JAKMIP2: variants seen among roughly 807,000 people sequenced by gnomAD.
The protein encoded by JAKMIP2 is janus kinase and microtubule-interacting protein 2.
JAKMIP2 carries 25 observed loss-of-function variants against 115.0 expected under a neutral mutation model. The observed-to-expected ratio is 0.22, with a 90% CI of 0.16 to 0.30. JAKMIP2 has a LOEUF of 0.30. Among genes scored for constraint, JAKMIP2 ranks in the 10% least tolerant of loss-of-function variants. The pLI is 1.00. For synonymous variants in JAKMIP2, 334 were observed against 343.6 expected (o/e 0.97, Z 0.31); for missense variants, 642 against 957.6 (o/e 0.67, Z 4.35).
intron 1 of JAKMIP2, among the ~76,000 whole-genome samples, chr5:147,738,945 G>T (rs968122847): frequency 1.3e-5 from 2 of 152,072 alleles, no homozygotes; most frequent in Admixed American, 1.3e-4. Context: ...CATAACCCTT[G>T]GGCTCTTCAT....
At chr5:147,629,805 G>T in intron 14 of JAKMIP2, 59 bp from the exon 15 acceptor site, 1 of 1,340,034 alleles carries the variant, frequency 7.5e-7, no homozygotes, top group Non-Finnish European at 1.1e-6. Flanking sequence ...TTCCATCAGT[G>T]CCTGAACATG....
At chr5:147,605,203 A>ATT (rs71001447) in intron 20 of JAKMIP2, among the ~76,000 whole-genome samples, 28 of 100,518 alleles carry the variant, frequency 2.8e-4, no homozygotes, top group African/African-American at 1.1e-3. Flanking sequence ...TATGTGCCAC[A>ATT]TTTTTTTTTT....
At chr5:147,610,925 T>C (rs949221558) in intron 20 of JAKMIP2, among the ~76,000 whole-genome samples, 2 of 152,214 alleles carry the variant, frequency 1.3e-5, no homozygotes, top group African/African-American at 4.8e-5. Context: ...ACAGCAGCTT[T>C]GTGGCCCTGT....
intron 21 of JAKMIP2, among the ~76,000 whole-genome samples, chr5:147,595,987 T>C (rs896407930): frequency 6.6e-6 from 1 of 152,132 alleles, no homozygotes; most frequent in Admixed American, 6.6e-5. Context: ...ACAACTGAAC[T>C]GAGATCCGAA....
At chr5:147,761,175 A>G (rs1754917735) in intron 1 of JAKMIP2, among the ~76,000 whole-genome samples, 1 of 152,140 alleles carries the variant, frequency 6.6e-6, no homozygotes, top group Non-Finnish European at 1.5e-5. Context: ...CAGTTGTACA[A>G]GAAAAGCACT....
At chr5:147,640,667 C>T (rs1160078127) in intron 9 of JAKMIP2, 37 bp downstream of exon 9, 2 of 1,603,750 alleles carry the variant, frequency 1.2e-6, no homozygotes, top group Non-Finnish European at 1.7e-6. Context: ...GATTTGGTGA[C>T]AATATCACCC....
At chr5:147,617,448 G>C (rs1756643175) in intron 19 of JAKMIP2, among the ~76,000 whole-genome samples, 1 of 152,208 alleles carries the variant, frequency 6.6e-6, no homozygotes, top group Admixed American at 6.5e-5. Context: ...GCAAATGTCA[G>C]TAAGTAAACA....
chr5:147,598,884 A>G (rs1166518439), intron 21 of JAKMIP2, among the ~76,000 whole-genome samples: 1 of 152,214 alleles, frequency 6.6e-6, no homozygotes, highest in East Asian at 1.9e-4. Context: ...CTACCTACCA[A>G]TAAAGAAGCA....
In JAKMIP2 at chr5:147,640,834, G is replaced by A; in HGVS notation, c.1282-11C>T. 3.1e-6 allele frequency: 5 copies of A among 1,608,584 alleles called. No individual in the cohort carries two copies. In the Middle Eastern group the frequency reaches 5.4e-4, roughly 175 times the overall value. On this transcript the variant is annotated splice_polypyrimidine_tract_variant and intron_variant, in intron 8 of 21. Transcript: ENST00000616793. ...GTCCAAAACAGGCCTCTAAATGGAG[G>A]GAAAGTACCTATTTACTGACATAGC...
chr5:147,731,766 T>G (rs1286814104), intron 1 of JAKMIP2, among the ~76,000 whole-genome samples: 2 of 152,210 alleles, frequency 1.3e-5, no homozygotes, highest in Non-Finnish European at 2.9e-5. Context: ...ACAAAAGTTT[T>G]GAAAAATAGG....
chr5:147,606,844 C>T lies in JAKMIP2; in HGVS notation c.2413-5033G>A, dbSNP rs150599720. Among the ~76,000 whole-genome samples, 856 of 152,238 alleles carry T rather than the reference C, an allele frequency of 5.6e-3. 10 individuals are homozygous for T. Among genetic ancestry groups the T allele is most frequent in the African/African-American group, 0.02 (822 of 41,544 alleles). ...GAATGTTTTTCCATTTGTTTGTGTTCTCTCTTATTGCCTTGAGTAGTGGAT... is the reference window on the plus strand; with the variant it reads ...GAATGTTTTTCCATTTGTTTGTGTTTTCTCTTATTGCCTTGAGTAGTGGAT... On this transcript the variant is annotated intron_variant, in intron 20 of 21. Coordinates refer to ENST00000616793, the MANE Select transcript of JAKMIP2 (RefSeq NM_001270941.2).
At chr5:147,691,089 T>C (rs1345886566) in intron 1 of JAKMIP2, among the ~76,000 whole-genome samples, 1 of 152,152 alleles carries the variant, frequency 6.6e-6, no homozygotes, top group African/African-American at 2.4e-5. Context: ...ATAGGGAGGT[T>C]GGTATTTTAA....
At chr5:147,640,598 G>C (rs950282083) in intron 9 of JAKMIP2, 106 bp downstream of exon 9, 2 of 1,178,656 alleles carry the variant, frequency 1.7e-6, no homozygotes, top group African/African-American at 3.1e-5. Flanking sequence ...AGATCACTTT[G>C]TGCTGTTTAT....
chr5:147,725,888 C>G (rs186849094), intron 1 of JAKMIP2, among the ~76,000 whole-genome samples: 2 of 152,130 alleles, frequency 1.3e-5, no homozygotes, highest in Non-Finnish European at 2.9e-5. Flanking sequence ...GGCATGTACA[C>G]GATAACTGGA....
At position 147,769,815 on chromosome 5, in the gene JAKMIP2, A is replaced by G. The variant is rs529535774; in HGVS notation, c.-149+12641T>C. On this transcript the variant is annotated intron_variant, in intron 1 of 21. Coordinates refer to ENST00000616793, the MANE Select transcript of JAKMIP2 (RefSeq NM_001270941.2). ...AACACTGTGTTTGTCTCTGTAAACC[A>G]GATGGAACTGCTGACCCAGGTGGAG... Among the ~76,000 whole-genome samples, 31 of 152,140 alleles carry G rather than the reference A, an allele frequency of 2.0e-4. No individual in the cohort carries two copies. In the South Asian group the frequency reaches 6.4e-3, roughly 32 times the overall value.
At chr5:147,719,592 C>G (rs976657909) in intron 1 of JAKMIP2, among the ~76,000 whole-genome samples, 6 of 152,112 alleles carry the variant, frequency 3.9e-5, no homozygotes, top group Non-Finnish European at 2.9e-5. Flanking sequence ...GATCCCTTTA[C>G]CATTATGTAA....
At chr5:147,670,895 A>C (rs1456899084) in intron 2 of JAKMIP2, among the ~76,000 whole-genome samples, 1 of 152,194 alleles carries the variant, frequency 6.6e-6, no homozygotes, top group Admixed American at 6.5e-5. Context: ...GCTTTTGTAG[A>C]GATTGAGGAG....
At chr5:147,729,146 C>T (rs534403846) in intron 1 of JAKMIP2, among the ~76,000 whole-genome samples, 1 of 152,280 alleles carries the variant, frequency 6.6e-6, no homozygotes, top group East Asian at 1.9e-4. Context: ...GAATTTCTCT[C>T]TCACATAGTG....
chr5:147,613,697 C>T (rs963739134), intron 19 of JAKMIP2, among the ~76,000 whole-genome samples: 10 of 151,876 alleles, frequency 6.6e-5, no homozygotes, highest in Non-Finnish European at 1.2e-4. Flanking sequence ...ACTAAACATT[C>T]GATAAGGCAC....
Sources: allele counts gnomAD v4.1 joint callset (sites outside exome capture counted in the v4.1 genomes callset), GRCh38; gene constraint gnomAD v4.1.1; transcripts MANE v1.5; gene names NCBI Gene and HGNC (gene_info 2026-07-23, HGNC 2026-07-21).